SLC35F4: variants seen among roughly 807,000 people sequenced by gnomAD.
The protein encoded by SLC35F4 is solute carrier family 35 member F4.
Under a neutral mutation model 44.2 loss-of-function variants are expected in SLC35F4, and 24 were observed. That is an observed-to-expected ratio of 0.54 (90% CI 0.39 to 0.76). The LOEUF (loss-of-function observed/expected upper bound fraction) is 0.76, where lower values mean the gene tolerates loss of function less well. Ranked by LOEUF, SLC35F4 falls within the 30% of genes least tolerant of loss-of-function variation. The probability of loss-of-function intolerance (pLI) is 0.00; values close to 1 mark genes in which losing one functional copy is unlikely to be tolerated. For synonymous variants in SLC35F4, 238 were observed against 223.6 expected (o/e 1.06, Z -0.57); for missense variants, 562 against 586.1 (o/e 0.96, Z 0.42).
At chr14:57,948,191 T>C (rs574608211) in intron 1 of SLC35F4, among the ~76,000 whole-genome samples, 1 of 152,308 alleles carries the variant, frequency 6.6e-6, no homozygotes, top group East Asian at 1.9e-4. Flanking sequence ...GGCAATTTTT[T>C]TATTACTGTT....
At chr14:57,893,361 T>A (rs1366263528) in intron 1 of SLC35F4, among the ~76,000 whole-genome samples, 1 of 152,200 alleles carries the variant, frequency 6.6e-6, no homozygotes, top group African/African-American at 2.4e-5. Context: ...CTTTTTAACT[T>A]GACAATTGTT....
intron 3 of SLC35F4, among the ~76,000 whole-genome samples, chr14:57,582,696 T>C (rs1422121742): frequency 1.3e-5 from 2 of 152,228 alleles, no homozygotes; most frequent in African/African-American, 4.8e-5. Flanking sequence ...CCAGGCATTG[T>C]ATTTTCATGA....
At chr14:57,701,510 A>T (rs1156302995) in intron 1 of SLC35F4, among the ~76,000 whole-genome samples, 1 of 152,204 alleles carries the variant, frequency 6.6e-6, no homozygotes, top group African/African-American at 2.4e-5. Context: ...ATTGTATGTT[A>T]TATTTTTATA....
chr14:57,689,606 G>T (rs1300877542), intron 1 of SLC35F4, among the ~76,000 whole-genome samples: 3 of 151,862 alleles, frequency 2.0e-5, no homozygotes, highest in Admixed American at 6.6e-5. Context: ...ATTTTCAATG[G>T]CTACCTATTG....
chr14:57,696,313 A>G (rs887002767), intron 1 of SLC35F4, among the ~76,000 whole-genome samples: 5 of 152,252 alleles, frequency 3.3e-5, no homozygotes, highest in Non-Finnish European at 5.9e-5. Flanking sequence ...CAAACATGAA[A>G]AAAAGCTCAT....
intron 1 of SLC35F4, among the ~76,000 whole-genome samples, chr14:57,795,911 T>G (rs544934066): frequency 1.3e-5 from 2 of 152,242 alleles, no homozygotes; most frequent in Admixed American, 6.5e-5. Context: ...GTAGTAAGCA[T>G]AGTACCCAAT....
chr14:57,584,366 G>A (rs1478470987), intron 3 of SLC35F4, among the ~76,000 whole-genome samples: 11 of 152,110 alleles, frequency 7.2e-5, no homozygotes, highest in African/African-American at 2.4e-4. Flanking sequence ...CTGGTGCTAT[G>A]GGACAAATTC....
intron 1 of SLC35F4, among the ~76,000 whole-genome samples, chr14:57,609,574 A>AGC (rs2140034689): frequency 6.6e-6 from 1 of 152,352 alleles, no homozygotes; most frequent in Admixed American, 6.5e-5. Context: ...CTATGCAAGT[A>AGC]TTAGAATGCT....
chr14:57,834,934 C>A (rs2089996782), intron 1 of SLC35F4, among the ~76,000 whole-genome samples: 1 of 152,208 alleles, frequency 6.6e-6, no homozygotes, highest in Admixed American at 6.5e-5. Flanking sequence ...GAGGCTGAGG[C>A]AGGAGAATTG....
intron 1 of SLC35F4, among the ~76,000 whole-genome samples, chr14:57,784,717 GA>G (rs557114670): frequency 1.3e-5 from 2 of 152,036 alleles, no homozygotes; most frequent in Non-Finnish European, 2.9e-5. Flanking sequence ...AAATGAGAAA[GA>G]AAAAAGTCAA....
At position 57,697,051 on chromosome 14, in the gene SLC35F4, C is replaced by T. The variant is rs575126859; in HGVS notation, c.104-102927G>A. Reference sequence around the variant, plus strand: ...TGTATACCTATGTAACAAACCTGCACGTTCTGCTCATGTATCCCAGAACTT... The same window carrying T: ...TGTATACCTATGTAACAAACCTGCATGTTCTGCTCATGTATCCCAGAACTT... On this transcript the variant is annotated intron_variant, in intron 1 of 7. Transcript: ENST00000556826. Among the ~76,000 whole-genome samples the T allele has an allele frequency of 7.8e-4, 118 of 152,186 alleles. 1 individual carries two copies. Among genetic ancestry groups the T allele is most frequent in the Non-Finnish European group, 1.2e-3 (79 of 67,990 alleles).
At chr14:57,687,642 C>T (rs987678563) in intron 1 of SLC35F4, among the ~76,000 whole-genome samples, 1 of 152,116 alleles carries the variant, frequency 6.6e-6, no homozygotes, top group Non-Finnish European at 1.5e-5. Context: ...ACCTCCTGTG[C>T]CCTTTATTCT....
intron 1 of SLC35F4, among the ~76,000 whole-genome samples, chr14:57,735,420 A>G (rs2140487816): frequency 6.6e-6 from 1 of 152,310 alleles, no homozygotes; most frequent in East Asian, 1.9e-4. Context: ...GAGCTCATTC[A>G]CACAGCTGCA....
chr14:57,593,143 G>A (rs541868816), intron 2 of SLC35F4, among the ~76,000 whole-genome samples: 21 of 152,292 alleles, frequency 1.4e-4, no homozygotes, highest in East Asian at 9.7e-4. Flanking sequence ...ATTTGTAAGC[G>A]TACAACTGTT....
At chr14:57,654,541 T>C (rs967783452) in intron 1 of SLC35F4, among the ~76,000 whole-genome samples, 3 of 152,220 alleles carry the variant, frequency 2.0e-5, no homozygotes, top group African/African-American at 7.2e-5. Context: ...TGAATTGTGC[T>C]GCTGTAAACA....
chr14:57,627,074 G>A (rs1594631298), intron 1 of SLC35F4, among the ~76,000 whole-genome samples: 1 of 151,994 alleles, frequency 6.6e-6, no homozygotes, highest in African/African-American at 2.4e-5. Flanking sequence ...TCTATCCAAG[G>A]GCAAGGCAAC....
Position 57,865,794 on chromosome 14 carries a change from G to A in SLC35F4, c.32C>T (p.Ala11Val). The change falls in exon 1 of 8, where the codon GCC becomes GTC. Residue 11 changes from alanine (A) to valine (V), a missense_variant. By Grantham distance (64) the Ala-to-Val change is moderately conservative. Coordinates refer to ENST00000556826, the MANE Select transcript of SLC35F4 (RefSeq NM_001306087.2). MDVKAAPNGV[A>V]TIEDRILRIT... ...CCGCAGGATCCGGTCCTCGATAGTG[G>A]CCACCCCGTTGGGGGCCGCCTTGAC... 2.6e-6 allele frequency: 4 copies of A among 1,520,918 alleles called. No individual in the cohort carries two copies. The highest frequency in any genetic ancestry group is 4.1e-5 in the Admixed American group (2 of 49,142). 94.2% of individuals were successfully genotyped at this position (1,520,918 alleles called of 1,614,324 possible). A position where few individuals can be genotyped will look rare whatever the true frequency, so the allele number is the denominator to read the frequency against.
At chr14:57,968,683 T>C (rs980356306) in intron 1 of SLC35F4, among the ~76,000 whole-genome samples, 1 of 152,192 alleles carries the variant, frequency 6.6e-6, no homozygotes, top group Non-Finnish European at 1.5e-5. Flanking sequence ...GGATAATACC[T>C]GGCAATCTGT....
chr14:57,706,629 A>C (rs1448388745), intron 1 of SLC35F4, among the ~76,000 whole-genome samples: 1 of 152,224 alleles, frequency 6.6e-6, no homozygotes, highest in Non-Finnish European at 1.5e-5. Context: ...GTGAGGAAGC[A>C]AAGTTCAAGC....
Sources: gnomAD v4.1 joint callset for allele counts (sites outside exome capture counted in the v4.1 genomes callset) on GRCh38, gnomAD v4.1.1 for gene constraint, MANE v1.5 for transcripts, NCBI Gene and HGNC (gene_info 2026-07-23, HGNC 2026-07-21) for gene names.